NDUFV1: variants seen among roughly 807,000 people sequenced by gnomAD.
NDUFV1 encodes the protein NADH dehydrogenase [ubiquinone] flavoprotein 1, mitochondrial.
Under a neutral mutation model 48.7 loss-of-function variants are expected in NDUFV1, and 41 were observed. That is an observed-to-expected ratio of 0.84 (90% CI 0.66 to 1.09). The LOEUF (loss-of-function observed/expected upper bound fraction) is 1.09, where lower values mean the gene tolerates loss of function less well. Among genes scored for constraint, NDUFV1 ranks in the 50% least tolerant of loss-of-function variants. The pLI is 0.00. For missense variants in NDUFV1, 580 were observed against 645.4 expected (o/e 0.90, Z 1.10); for synonymous variants, 231 against 259.1 (o/e 0.89, Z 1.04).
Position 67,611,879 on chromosome 11 carries a change from T to C in NDUFV1, c.1081-18T>C. The C allele has an allele frequency of 6.2e-7, 1 of 1,613,826 alleles. No individual in the cohort carries two copies. The highest frequency in any genetic ancestry group is 8.5e-7 in the Non-Finnish European group (1 of 1,179,820). ...CTGTCTGGCCGTGGGTGCCTGCTAATTGCCCCTCGTCACCCAGACGGACAT... is the reference window on the plus strand; with the variant it reads ...CTGTCTGGCCGTGGGTGCCTGCTAACTGCCCCTCGTCACCCAGACGGACAT... On this transcript the variant is annotated intron_variant, in intron 7 of 9. Transcript: ENST00000322776. This position sits in a 1 kb window ranked among gnomAD's most constrained non-coding sequence, Gnocchi z 4.2.
intron 1 of NDUFV1, 134 bp downstream of exon 1, chr11:67,607,210 G>A (rs1854822736): frequency 2.0e-6 from 2 of 1,022,906 alleles, no homozygotes; most frequent in Non-Finnish European, 1.5e-6. Context: ...GAAGGCCCCC[G>A]CTCCGGCCTG....
At position 67,609,587 on chromosome 11, in the gene NDUFV1, C is replaced by G; in HGVS notation, c.462C>G (p.Ala154=). The G allele has an allele frequency of 1.2e-6, 2 of 1,610,972 alleles. No individual in the cohort carries two copies. Among genetic ancestry groups the G allele is most frequent in the Non-Finnish European group, 1.7e-6 (2 of 1,179,904 alleles). ...VGGRAMGARA[A]YIYIRGEFYN... The stretch of plus-strand genomic sequence containing the variant: ...GCCGGGCCATGGGCGCCCGCGCTGC[C>G]TATATCTACATCCGAGGGGAATTCT... The change falls in exon 4 of 10, where the codon GCC becomes GCG. Residue 154 remains alanine (A), a synonymous_variant. Transcript: ENST00000322776.
At chr11:67,608,245 C>T (rs2134082691) in intron 1 of NDUFV1, 151 bp from the exon 2 acceptor site, 1 of 735,718 alleles carries the variant, frequency 1.4e-6, no homozygotes, top group Non-Finnish European at 2.4e-6. Context: ...AAAATGCTTA[C>T]TAAGTGGCAG....
chr11:67,611,843 G>A lies in NDUFV1; in HGVS notation c.1081-54G>A. ...GGAGGGGCTGCTGCTAGGGGGCTGA[G>A]GCCCAGGCTTCTGTCTGGCCGTGGG... On this transcript the variant is annotated intron_variant, in intron 7 of 9. Coordinates refer to ENST00000322776, the MANE Select transcript of NDUFV1 (RefSeq NM_007103.4). The surrounding 1 kb of genome is among the most constrained non-coding windows in gnomAD (Gnocchi z 4.2). 1 of 1,596,490 alleles carries A rather than the reference G, an allele frequency of 6.3e-7. No individual in the cohort carries two copies. Among genetic ancestry groups the A allele is most frequent in the Non-Finnish European group, 8.6e-7 (1 of 1,164,586 alleles).
intron 1 of NDUFV1, 41 bp downstream of exon 1, chr11:67,607,117 G>C: frequency 6.3e-7 from 1 of 1,577,664 alleles, no homozygotes. Flanking sequence ...GTTTGGGGCC[G>C]GGTGTCGCGG....
At chr11:67,609,411 C>T in intron 3 of NDUFV1, 41 bp from the exon 4 acceptor site, 1 of 1,606,526 alleles carries the variant, frequency 6.2e-7, no homozygotes, top group Non-Finnish European at 8.5e-7. Flanking sequence ...AGACCCAGTC[C>T]TGATGGCCCT....
In NDUFV1 at chr11:67,611,631, C is replaced by T. The variant is rs374663782; in HGVS notation, c.1080+62C>T. 393 of 1,567,524 alleles carry T rather than the reference C, an allele frequency of 2.5e-4. 1 individual carries two copies. The African/African-American group carries it at 5.0e-3, about 20-fold the overall frequency. On this transcript the variant is annotated intron_variant, in intron 7 of 9. Coordinates refer to ENST00000322776, the MANE Select transcript of NDUFV1 (RefSeq NM_007103.4). This position sits in a 1 kb window ranked among gnomAD's most constrained non-coding sequence, Gnocchi z 4.2. ...CTGGTTGCTGTCTCCCTCCCTGGGCCTCCCAGAAAACCCTCTTGCCAGCAC... is the reference window on the plus strand; with the variant it reads ...CTGGTTGCTGTCTCCCTCCCTGGGCTTCCCAGAAAACCCTCTTGCCAGCAC...
Position 67,611,251 on chromosome 11 carries a change from G to T in NDUFV1, c.913+44G>T, listed in dbSNP as rs758617138. On this transcript the variant is annotated intron_variant, in intron 6 of 9. Transcript: ENST00000322776. The surrounding 1 kb of genome is among the most constrained non-coding windows in gnomAD (Gnocchi z 4.2). Reference sequence around the variant, plus strand: ...CAGGTGGTGGGGGGGTGCGCAGTGGGGGCAGGTGTCCACAAAGAGAGCCTG... The same window carrying T: ...CAGGTGGTGGGGGGGTGCGCAGTGGTGGCAGGTGTCCACAAAGAGAGCCTG... 6.3e-7 allele frequency: 1 copy of T among 1,589,070 alleles called. No individual in the cohort carries two copies. The highest frequency in any genetic ancestry group is 1.7e-5 in the Admixed American group (1 of 59,880).
At position 67,609,600 on chromosome 11, in the gene NDUFV1, C is replaced by T. The variant is rs761756462; in HGVS notation, c.475C>T (p.Arg159Ter). Residue 159 changes from arginine (R) to a stop codon, truncating the protein, a stop_gained, in exon 4 of 10, where the codon CGA becomes TGA. Coordinates refer to ENST00000322776, the MANE Select transcript of NDUFV1 (RefSeq NM_007103.4). LOFTEE classifies it high-confidence loss of function. ...CGCCCGCGCTGCCTATATCTACATC[C>T]GAGGGGAATTCTACAATGAGGCCTC... ...MGARAAYIYI[R>*]GEFYNEASNL... 17 of 1,608,990 alleles carry T rather than the reference C, an allele frequency of 1.1e-5. No homozygotes were observed. The highest frequency in any genetic ancestry group is 2.2e-5 in the East Asian group (1 of 44,902).
chr11:67,610,618 G>A (rs140936568), intron 5 of NDUFV1, 48 bp downstream of exon 5: 7 of 1,603,978 alleles, frequency 4.4e-6, no homozygotes, highest in South Asian at 2.2e-5. Context: ...GTGACACCCG[G>A]GATCTGGCTA....
intron 1 of NDUFV1, among the ~76,000 whole-genome samples, chr11:67,607,981 C>T (rs1372415372): frequency 6.6e-6 from 1 of 152,156 alleles, no homozygotes; most frequent in Admixed American, 6.5e-5. Flanking sequence ...AATCCCAGCA[C>T]TTTGGGAGGC....
In NDUFV1 at chr11:67,611,367, C is replaced by G. The variant is rs2306144; in HGVS notation, c.914-36C>G. 10,863 of 1,610,368 alleles carry G rather than the reference C, an allele frequency of 6.7e-3. 469 individuals carry two copies. The East Asian group carries it at 0.12, about 18-fold the overall frequency. ...GCAGGTGTGCCGGCCCCAGCCCTGACCATGCATCCCTTTGGGGACCGACTT... is the reference window on the plus strand; with the variant it reads ...GCAGGTGTGCCGGCCCCAGCCCTGAGCATGCATCCCTTTGGGGACCGACTT... On this transcript the variant is annotated intron_variant, in intron 6 of 9. Coordinates refer to ENST00000322776, the MANE Select transcript of NDUFV1 (RefSeq NM_007103.4). This position sits in a 1 kb window ranked among gnomAD's most constrained non-coding sequence, Gnocchi z 4.2.
chr11:67,612,404 G>A lies in NDUFV1; in HGVS notation c.1341G>A (p.Glu447=), dbSNP rs1449308316. Residue 447 remains glutamate, a synonymous_variant, in exon 10 of 10, where the codon GAG becomes GAA. Coordinates refer to ENST00000322776, the MANE Select transcript of NDUFV1 (RefSeq NM_007103.4). The surrounding 1 kb of genome is among the most constrained non-coding windows in gnomAD (Gnocchi z 4.4). The stretch of plus-strand genomic sequence containing the variant: ...TCCGCCACTTTCGGCCGGAGCTCGA[G>A]GAGCGGATGCAGCGGTTTGCCCAGC... The part of the protein sequence containing the change: ...GLIRHFRPEL[E]ERMQRFAQQH... 8 of 1,612,904 alleles carry A rather than the reference G, an allele frequency of 5.0e-6. No homozygotes were observed. The highest frequency in any genetic ancestry group is 6.8e-6 in the Non-Finnish European group (8 of 1,179,984).
In NDUFV1 at chr11:67,608,220, T is replaced by C. The variant is rs1035006806; in HGVS notation, c.73-176T>C. 20 of 555,864 alleles carry C rather than the reference T, an allele frequency of 3.6e-5. No homozygotes were observed. In the African/African-American group the frequency reaches 7.5e-4, roughly 21 times the overall value. The allele number at this position is 555,864 out of a possible 1,614,324, so 34.4% of individuals were successfully genotyped here. Reference sequence around the variant, plus strand: ...CAGCCTAGGCAAAAGAGCAAGAGTCTGTCTCAAAAAAAAAAAAATGCTTAC... The same window carrying C: ...CAGCCTAGGCAAAAGAGCAAGAGTCCGTCTCAAAAAAAAAAAAATGCTTAC... On this transcript the variant is annotated intron_variant, in intron 1 of 9. Transcript: ENST00000322776.
At chr11:67,608,820 C>T (rs1168127283) in intron 3 of NDUFV1, 98 bp downstream of exon 3, 2 of 1,543,720 alleles carry the variant, frequency 1.3e-6, no homozygotes, top group East Asian at 2.3e-5. Flanking sequence ...AGAAACTTAG[C>T]ATGAATGAGG....
In NDUFV1 at chr11:67,610,520, A is replaced by G. The variant is rs1310929912; in HGVS notation, c.650A>G (p.Glu217Gly). ...GEETALIESI[E>G]GKQGKPRLKP... ...GAGACAGCGCTCATCGAGTCCATTG[A>G]GGGCAAGCAGGGCAAGCCCCGCCTG... is the stretch of plus-strand genomic sequence containing the variant. The change falls in exon 5 of 10, where the codon GAG becomes GGG. Residue 217 changes from glutamate to glycine, a missense_variant. Glu to Gly is a moderately conservative substitution (Grantham distance 98). Coordinates refer to ENST00000322776, the MANE Select transcript of NDUFV1 (RefSeq NM_007103.4). 3.1e-6 allele frequency: 5 copies of G among 1,614,048 alleles called. No homozygotes were observed. The highest frequency in any genetic ancestry group is 4.2e-6 in the Non-Finnish European group (5 of 1,180,014).
intron 1 of NDUFV1, chr11:67,607,522 C>T (rs761891226): frequency 2.2e-5 from 10 of 459,952 alleles, no homozygotes; most frequent in Non-Finnish European, 4.3e-5. Context: ...GGTCGTGGGG[C>T]TCCTCATTTC....
rs762089117 is a variant in NDUFV1, at chr11:67,611,508, A to G, written c.1019A>G (p.Asp340Gly). 6.2e-7 allele frequency: 1 copy of G among 1,613,552 alleles called. No individual in the cohort carries two copies. Among genetic ancestry groups the G allele is most frequent in the East Asian group, 2.2e-5 (1 of 44,868 alleles). The change falls in exon 7 of 10, where the codon GAT becomes GGT. Residue 340 changes from aspartate to glycine, a missense_variant. By Grantham distance (94) the Asp-to-Gly change is moderately conservative. Transcript: ENST00000322776. This position sits in a 1 kb window ranked among gnomAD's most constrained non-coding sequence, Gnocchi z 4.2. ...SVCETVLMDF[D>G]ALVQAQTGLG... ...TGTGAGACGGTGCTGATGGACTTCG[A>G]TGCGCTGGTGCAGGCACAGACAGGC...
chr11:67,608,397 C>T lies in NDUFV1; in HGVS notation c.74C>T (p.Thr25Ile), dbSNP rs760066678. The change falls in exon 2 of 10, where the codon ACA (threonine) becomes ATA (isoleucine). Residue 25 changes from threonine to isoleucine, a missense_variant and splice_region_variant. Physicochemically the swap from Thr to Ile is moderately conservative, Grantham distance 89 (BLOSUM62 -1). Coordinates refer to ENST00000322776, the MANE Select transcript of NDUFV1 (RefSeq NM_007103.4). ...RVSVRFSGDT[T>I]APKKTSFGSL... Reference sequence around the variant, plus strand: ...CCTCCTGACCCTTTGTCTCCCTAGACAGCACCCAAGAAAACCTCATTTGGC... The same window carrying T: ...CCTCCTGACCCTTTGTCTCCCTAGATAGCACCCAAGAAAACCTCATTTGGC... 5.6e-6 allele frequency: 9 copies of T among 1,613,924 alleles called. No homozygotes were observed. The highest frequency in any genetic ancestry group is 1.7e-5 in the Admixed American group (1 of 60,014).
Sources: gnomAD v4.1 joint callset for allele counts (sites outside exome capture counted in the v4.1 genomes callset) on GRCh38, gnomAD v4.1.1 for gene constraint, Gnocchi (gnomAD v3.1) non-coding constraint, MANE v1.5 for transcripts, NCBI Gene and HGNC (gene_info 2026-07-23, HGNC 2026-07-21) for gene names.